Variants in MOB1B observed in about 807,000 individuals in gnomAD.
MOB1B encodes MOB1 Mps One Binder homolog B.
Under a neutral mutation model 24.4 loss-of-function variants are expected in MOB1B, and 19 were observed. The observed-to-expected ratio is 0.78, with a 90% CI of 0.54 to 1.14. The LOEUF (loss-of-function observed/expected upper bound fraction) is 1.14. Ranked by LOEUF, MOB1B falls within the 50% of genes most tolerant of loss-of-function variation. MOB1B has a pLI of 0.00. For missense variants in MOB1B, 243 were observed against 259.6 expected (o/e 0.94, Z 0.44); for synonymous variants, 76 against 82.1 (o/e 0.93, Z 0.40).
At chr4:70,981,873 G>A in intron 5 of MOB1B, 107 bp from the exon 6 acceptor site, 1 of 728,804 alleles carries the variant, frequency 1.4e-6, no homozygotes, top group South Asian at 1.7e-5. Flanking sequence ...CTACTTTTAT[G>A]TACTTCAAAA....
At chr4:70,981,349 A>G (rs1739205458) in intron 5 of MOB1B, among the ~76,000 whole-genome samples, 1 of 152,192 alleles carries the variant, frequency 6.6e-6, no homozygotes, top group Non-Finnish European at 1.5e-5. Context: ...CTAGCCTTAT[A>G]GTTTATAGTT....
At chr4:70,902,943 C>T (rs1377886362) in intron 1 of MOB1B, among the ~76,000 whole-genome samples, 10 of 152,334 alleles carry the variant, frequency 6.6e-5, no homozygotes, top group South Asian at 2.1e-4. Flanking sequence ...ATGGCTCCGT[C>T]GCGGCTGCCC....
At chr4:70,964,324 C>A (rs1350032017) in intron 2 of MOB1B, among the ~76,000 whole-genome samples, 1 of 152,030 alleles carries the variant, frequency 6.6e-6, no homozygotes, top group Non-Finnish European at 1.5e-5. Flanking sequence ...TGTACATTTT[C>A]AAAAATGGAA....
At chr4:70,943,342 C>G (rs970006963) in intron 1 of MOB1B, among the ~76,000 whole-genome samples, 1 of 152,168 alleles carries the variant, frequency 6.6e-6, no homozygotes, top group Admixed American at 6.5e-5. Flanking sequence ...GCTGTTATAA[C>G]TGTGATGATC....
In MOB1B at chr4:70,979,178, C is replaced by A. The variant is rs368157226; in HGVS notation, c.460C>A (p.Arg154Ser). The part of the protein sequence containing the change: ...FMSVAKTILK[R>S]LFRVYAHIYH... ...GTCTGTGGCAAAAACTATACTCAAA[C>A]GCCTCTTTAGGGTTTATGCTCACAT... The change falls in exon 5 of 6, where the codon CGC (arginine) becomes AGC (serine). Residue 154 changes from arginine to serine, a missense_variant. Transcript: ENST00000309395. 2 of 1,613,074 alleles carry A rather than the reference C, an allele frequency of 1.2e-6. No homozygotes were observed. The highest frequency in any genetic ancestry group is 2.7e-5 in the African/African-American group (2 of 74,856).
In MOB1B at chr4:70,953,921, G is replaced by A. The variant is rs555546896; in HGVS notation, c.15-4953G>A. On this transcript the variant is annotated intron_variant, in intron 1 of 5. Coordinates refer to ENST00000309395, the MANE Select transcript of MOB1B (RefSeq NM_173468.4). ...ATTATGCCACTGCACTCCAGCCTGGGTGACAGAGCAAGACTCTGTCTTAAA... is the reference window on the plus strand; with the variant it reads ...ATTATGCCACTGCACTCCAGCCTGGATGACAGAGCAAGACTCTGTCTTAAA... Among the ~76,000 whole-genome samples, 47 of 152,238 alleles carry A rather than the reference G, an allele frequency of 3.1e-4. 1 individual carries two copies. Among genetic ancestry groups the A allele is most frequent in the South Asian group, 2.5e-3 (12 of 4,828 alleles).
rs377527464 is a variant in MOB1B at position 70,902,455 on chromosome 4, A to T, written c.-82A>T. ...CCTCCGCCTCCCTGTCTCCTGTTCC[A>T]TTCGCCTTTCCTCTTCTTTCCTGGC... On this transcript the variant is annotated 5_prime_UTR_variant, in exon 1 of 6. Transcript: ENST00000309395. 26 of 1,464,826 alleles carry T rather than the reference A, an allele frequency of 1.8e-5. No homozygotes were observed. In the South Asian group the frequency reaches 2.9e-4, roughly 16 times the overall value. 90.7% of individuals were successfully genotyped at this position (1,464,826 alleles called of 1,614,324 possible). A position where few individuals can be genotyped will look rare whatever the true frequency, so the allele number is the denominator to read the frequency against.
chr4:70,970,580 T>G (rs1473333819), intron 3 of MOB1B, among the ~76,000 whole-genome samples: 1 of 152,216 alleles, frequency 6.6e-6, no homozygotes, highest in Admixed American at 6.5e-5. Flanking sequence ...ACCCAAAAAA[T>G]GTGGGTTGAA....
chr4:70,965,957 A>G (rs537265103), intron 2 of MOB1B, among the ~76,000 whole-genome samples: 1 of 152,186 alleles, frequency 6.6e-6, no homozygotes, highest in South Asian at 2.1e-4. Context: ...GAATAATCTT[A>G]TAACTTAAAA....
At chr4:70,936,387 C>G (rs986340812) in intron 1 of MOB1B, among the ~76,000 whole-genome samples, 10 of 152,102 alleles carry the variant, frequency 6.6e-5, no homozygotes, top group Non-Finnish European at 1.3e-4. Context: ...TCCTCAAACC[C>G]AAACTGAAAG....
intron 3 of MOB1B, among the ~76,000 whole-genome samples, chr4:70,971,758 T>G (rs1330832448): frequency 1.3e-5 from 2 of 152,166 alleles, no homozygotes; most frequent in African/African-American, 4.8e-5. Context: ...CCTTGAGAAA[T>G]TAAATAGCAC....
At chr4:70,909,340 A>G (rs1222682174) in intron 1 of MOB1B, among the ~76,000 whole-genome samples, 1 of 151,898 alleles carries the variant, frequency 6.6e-6, no homozygotes, top group Non-Finnish European at 1.5e-5. Context: ...AAAGTTAATA[A>G]TTTATAAGAA....
intron 1 of MOB1B, among the ~76,000 whole-genome samples, chr4:70,905,133 A>G (rs1209056505): frequency 6.6e-6 from 1 of 152,260 alleles, no homozygotes; most frequent in East Asian, 1.9e-4. Context: ...CCGTCAATTA[A>G]AAATCCAAAG....
At chr4:70,970,081 G>A in intron 3 of MOB1B, 57 bp downstream of exon 3, 1 of 1,042,114 alleles carries the variant, frequency 9.6e-7, no homozygotes, top group Non-Finnish European at 1.4e-6. Flanking sequence ...GGTTCTTAAA[G>A]AAAAACGAAG....
At chr4:70,910,392 G>T (rs905837402) in intron 1 of MOB1B, among the ~76,000 whole-genome samples, 9 of 151,394 alleles carry the variant, frequency 5.9e-5, no homozygotes, top group Admixed American at 1.3e-4. Context: ...TCTATATATA[G>T]ATATATATAC....
rs1739394845 is a variant in MOB1B at position 70,986,760 on chromosome 4, C to CT, written c.*4704dup. On this transcript the variant is annotated 3_prime_UTR_variant, in exon 6 of 6. Coordinates refer to ENST00000309395, the MANE Select transcript of MOB1B (RefSeq NM_173468.4). ...ATATGATAAATGTTTAGCAGTAAAG[C>CT]TATCTTAAGATTTAATGGAAAAGTT... 6.6e-6 allele frequency: 1 copy of CT among 152,074 alleles called. No individual in the cohort carries two copies. Among genetic ancestry groups the CT allele is most frequent in the South Asian group, 2.1e-4 (1 of 4,830 alleles). 9.4% of individuals were successfully genotyped at this position (152,074 alleles called of 1,614,324 possible).
At position 70,923,207 on chromosome 4, in the gene MOB1B, C is replaced by T. The variant is rs559914923; in HGVS notation, c.14+20657C>T. ...TTGGGGCCAAGCAGCGTTACAACTG[C>T]GGGAGAATTCTGAGGAGGGCTCAGA... On this transcript the variant is annotated intron_variant, in intron 1 of 5. Coordinates refer to ENST00000309395, the MANE Select transcript of MOB1B (RefSeq NM_173468.4). Among the ~76,000 whole-genome samples, 174 of 152,234 alleles carry T rather than the reference C, an allele frequency of 1.1e-3. 1 individual carries two copies. The highest frequency in any genetic ancestry group is 1.8e-3 in the Non-Finnish European group (120 of 68,024).
chr4:70,930,715 C>G (rs999118977), intron 1 of MOB1B, among the ~76,000 whole-genome samples: 2 of 152,076 alleles, frequency 1.3e-5, no homozygotes, highest in African/African-American at 4.8e-5. Flanking sequence ...ACTGTGCTTG[C>G]ATTTCACTTA....
rs551070786 is a variant in MOB1B, at chr4:70,983,578, C to T, written c.*1521C>T. 6.6e-6 allele frequency: 1 copy of T among 152,572 alleles called. No individual in the cohort carries two copies. Among genetic ancestry groups the T allele is most frequent in the East Asian group, 1.9e-4 (1 of 5,180 alleles). 9.5% of individuals were successfully genotyped at this position (152,572 alleles called of 1,614,324 possible). The stretch of plus-strand genomic sequence containing the variant: ...TCTTCAGTTAGAAATATATATCCTT[C>T]CTTCAGTTGAAACATATACCTTTTT... On this transcript the variant is annotated 3_prime_UTR_variant, in exon 6 of 6. Transcript: ENST00000309395.
Sources: allele counts gnomAD v4.1 joint callset (sites outside exome capture counted in the v4.1 genomes callset), GRCh38; gene constraint gnomAD v4.1.1; transcripts MANE v1.5; gene names NCBI Gene and HGNC (gene_info 2026-07-23, HGNC 2026-07-21).